The following TTN variants were observed in gnomAD, a reference collection of about 807,000 sequenced individuals.
TTN encodes the protein connectin.
TTN carries 1,525 observed loss-of-function variants against 3,223.0 expected under a neutral mutation model. The observed-to-expected ratio is 0.47, with a 90% CI of 0.45 to 0.49. TTN has a LOEUF of 0.49. Ranked by LOEUF, TTN falls within the 20% of genes least tolerant of loss-of-function variation. The probability of loss-of-function intolerance (pLI) is 0.00; values close to 1 mark genes in which losing one functional copy is unlikely to be tolerated. For missense variants in TTN, 40,786 were observed against 43,424.0 expected, an observed-to-expected ratio of 0.94 and a Z score of 5.40; for synonymous variants, 14,094 against 15,161.0, an observed-to-expected ratio of 0.93 and a Z score of 5.17.
chr2:178,609,735 T>C lies in TTN; in HGVS notation c.51688A>G (p.Ile17230Val). 1 of 1,611,506 alleles carries C rather than the reference T, an allele frequency of 6.2e-7. No homozygotes were observed. The highest frequency in any genetic ancestry group is 8.5e-7 in the Non-Finnish European group (1 of 1,178,224). Residue 17230 changes from isoleucine (I) to valine (V), a missense_variant, in exon 272 of 363, where the codon ATT becomes GTT. By Grantham distance (29) the Ile-to-Val change is conservative. Transcript: ENST00000589042. ...FRVRAENAAG[I>V]SEPSRATPPT... ...GGAGTAGCCCGAGAAGGTTCACTAA[T>C]ACCCGCGGCGTTCTCTGCTCGCACA...
Position 178,642,302 on chromosome 2 carries a change from T to C in TTN, c.40493A>G (p.Lys13498Arg), listed in dbSNP as rs1356820738. ...TTCCGGAAGTAATTTGCGAACTTTC[T>C]TTTCACCTCCAGGCACTTAAAAGAA... ...LTPLKVPGGEKKVRKLLPERK... is the reference protein window; with the variant it reads ...LTPLKVPGGERKVRKLLPERK... Residue 13498 changes from lysine (K) to arginine (R), a missense_variant, in exon 219 of 363, where the codon AAG becomes AGG. Transcript: ENST00000589042. 1.3e-6 allele frequency: 2 copies of C among 1,592,568 alleles called. No homozygotes were observed. The highest frequency in any genetic ancestry group is 2.7e-5 in the African/African-American group (2 of 74,454).
intron 253 of TTN, 97 bp downstream of exon 253, chr2:178,617,682 C>G: frequency 6.7e-7 from 1 of 1,500,050 alleles, no homozygotes; most frequent in East Asian, 2.4e-5. Context: ...GATATTCTAC[C>G]TTTTTATTAA....
chr2:178,598,463 T>A lies in TTN; in HGVS notation c.57111+43A>T, dbSNP rs1433589821. 1.9e-6 allele frequency: 3 copies of A among 1,578,052 alleles called. No individual in the cohort carries two copies. The African/African-American group carries it at 4.1e-5, about 22-fold the overall frequency. Reference sequence around the variant, plus strand: ...GATTGAGAATAACTATGACATTTTTTAGTTTATTCATAGTGCATTTCCTTA... The same window carrying A: ...GATTGAGAATAACTATGACATTTTTAAGTTTATTCATAGTGCATTTCCTTA... On this transcript the variant is annotated intron_variant, in intron 292 of 362. Transcript: ENST00000589042.
Position 178,645,920 on chromosome 2 carries a change from C to A in TTN, c.40408G>T (p.Ala13470Ser). The A allele has an allele frequency of 6.4e-7, 1 of 1,558,828 alleles. No homozygotes were observed. The highest frequency in any genetic ancestry group is 2.4e-5 in the East Asian group (1 of 41,912). The change falls in exon 217 of 363, where the codon GCT becomes TCT. Residue 13470 changes from alanine to serine, a missense_variant and splice_region_variant. By Grantham distance (99) the Ala-to-Ser change is moderately conservative. Transcript: ENST00000589042. Reference protein sequence around the residue: ...DVKEKIFQLKAIPKKKVPEKP... With the variant: ...DVKEKIFQLKSIPKKKVPEKP... ...AAACTTTGGAAGTGGCATTTTTTAC[C>A]TTTAAGTTGGAATATTTTCTCCTTC...
intron 4 of TTN, 105 bp from the exon 5 acceptor site, chr2:178,800,015 C>T: frequency 1.6e-6 from 2 of 1,247,776 alleles, no homozygotes; most frequent in South Asian, 2.7e-5. Flanking sequence ...TCTGGATATC[C>T]CAATGGAGAA....
chr2:178,722,713 T>C lies in TTN; in HGVS notation c.22186A>G (p.Lys7396Glu). ...NINDSGEYTC[K>E]AENSIGTASS... is the part of the protein sequence containing the mutation. ...GCAGTTCCTATACTATTTTCTGCTTTGCATGTGTACTCTCCACTGTCATTG... is the reference window on the plus strand; with the variant it reads ...GCAGTTCCTATACTATTTTCTGCTTCGCATGTGTACTCTCCACTGTCATTG... The change falls in exon 76 of 363, where the codon AAA (lysine) becomes GAA (glutamate). Residue 7396 changes from lysine (K) to glutamate (E), a missense_variant. By Grantham distance (56) the Lys-to-Glu change is moderately conservative. Transcript: ENST00000589042. 2 of 1,613,208 alleles carry C rather than the reference T, an allele frequency of 1.2e-6. No homozygotes were observed. Among genetic ancestry groups the C allele is most frequent in the South Asian group, 2.2e-5 (2 of 91,010 alleles).
In TTN at chr2:178,544,239, C is replaced by T; in HGVS notation, c.95990G>A (p.Ser31997Asn). Residue 31997 changes from serine to asparagine, a missense_variant, in exon 345 of 363, where the codon AGC becomes AAC. Ser to Asn is a conservative substitution (Grantham distance 46). Transcript: ENST00000589042. ...GGGCTCAATTTCAGCAATTGATTCG[C>T]TGTATTCGCTCATACCCTTCACGTT... Reference protein sequence around the residue: ...AVNVKGMSEYSESIAEIEPVE... With the variant: ...AVNVKGMSEYNESIAEIEPVE... The T allele has an allele frequency of 6.2e-7, 1 of 1,613,680 alleles. No individual in the cohort carries two copies.
chr2:178,572,337 A>T lies in TTN; in HGVS notation c.73795T>A (p.Tyr24599Asn), dbSNP rs754578013. ...GTTTCAGCAGGCAGCCCAATGCCAT[A>T]TTCATTTTCTGCGAGAACCCTGAAA... ...YYFRVLAENE[Y>N]GIGLPAETAE... The change falls in exon 326 of 363, where the codon TAT (tyrosine) becomes AAT (asparagine). Residue 24599 changes from tyrosine to asparagine, a missense_variant. Physicochemically the swap from Tyr to Asn is moderately radical, Grantham distance 143. Coordinates refer to ENST00000589042, the MANE Select transcript of TTN (RefSeq NM_001267550.2). 1 of 1,611,830 alleles carries T rather than the reference A, an allele frequency of 6.2e-7. No homozygotes were observed. Among genetic ancestry groups the T allele is most frequent in the South Asian group, 1.1e-5 (1 of 91,046 alleles).
Position 178,588,116 on chromosome 2 carries a change from A to G in TTN, c.63291T>C (p.Ile21097=), listed in dbSNP as rs397517653. The G allele has an allele frequency of 1.2e-6, 2 of 1,612,924 alleles. No homozygotes were observed. Among genetic ancestry groups the G allele is most frequent in the Non-Finnish European group, 1.7e-6 (2 of 1,179,306 alleles). The part of the protein sequence containing the change: ...KPVYDGGAPI[I]GYVVEMRPKI... ...TTGGTCTCATTTCCACAACATATCC[A>G]ATGATCGGTGCACCACCATCATAGA... is the stretch of plus-strand genomic sequence containing the variant. Residue 21097 remains isoleucine (I), a synonymous_variant, in exon 305 of 363, where the codon ATT becomes ATC. Transcript: ENST00000589042.
At chr2:178,775,289 G>A (rs1411444316) in intron 28 of TTN, 67 bp downstream of exon 28, 18 of 1,612,028 alleles carry the variant, frequency 1.1e-5, no homozygotes, top group Non-Finnish European at 1.5e-5. Flanking sequence ...GAAAATAAAA[G>A]TAAACACACT....
chr2:178,609,227 A>G lies in TTN; in HGVS notation c.52083T>C (p.Pro17361=). The G allele has an allele frequency of 1.3e-6, 2 of 1,520,780 alleles. No homozygotes were observed. Among genetic ancestry groups the G allele is most frequent in the Non-Finnish European group, 1.8e-6 (2 of 1,139,002 alleles). The allele number at this position is 1,520,780 out of a possible 1,614,324, so 94.2% of individuals were successfully genotyped here. A position where few individuals can be genotyped will look rare whatever the true frequency, so the allele number is the denominator to read the frequency against. Residue 17361 remains proline, a synonymous_variant, in exon 273 of 363, where the codon CCT becomes CCC. Coordinates refer to ENST00000589042, the MANE Select transcript of TTN (RefSeq NM_001267550.2). The part of the protein sequence containing the change: ...VENDHGIAKA[P]CTVSVLDTPG... Reference sequence around the variant, plus strand: ...ACTCACCTAACACACTGACAGTACAAGGAGCTTTTGCAATACCGTGGTCAT... The same window carrying G: ...ACTCACCTAACACACTGACAGTACAGGGAGCTTTTGCAATACCGTGGTCAT...
rs759813012 is a variant in TTN at position 178,724,369 on chromosome 2, G to C, written c.21006C>G (p.Ile7002Met). 1.2e-6 allele frequency: 2 copies of C among 1,613,542 alleles called. No homozygotes were observed. The highest frequency in any genetic ancestry group is 1.7e-6 in the Non-Finnish European group (2 of 1,179,606). ...QKHKFSFYNKISSLRILSVER... is the reference protein window; with the variant it reads ...QKHKFSFYNKMSSLRILSVER... The stretch of plus-strand genomic sequence containing the variant: ...CAACTGAGAGAATCCTTAAGGAAGA[G>C]ATTTTGTTGTAGAAGCTAAATTTGT... The change falls in exon 72 of 363, where the codon ATC becomes ATG. Residue 7002 changes from isoleucine (I) to methionine (M), a missense_variant. By Grantham distance (10) the Ile-to-Met change is conservative. Transcript: ENST00000589042.
chr2:178,669,382 C>G lies in TTN; in HGVS notation c.35536G>C (p.Glu11846Gln). 1 of 1,522,662 alleles carries G rather than the reference C, an allele frequency of 6.6e-7. No homozygotes were observed. The highest frequency in any genetic ancestry group is 8.7e-7 in the Non-Finnish European group (1 of 1,145,380). 94.3% of individuals were successfully genotyped at this position (1,522,662 alleles called of 1,614,324 possible). Reference sequence around the variant, plus strand: ...ATTTTTCTACACTCACTGTACATCTCTGTGTCTTCAGAAATAACAATAGGT... The same window carrying G: ...ATTTTTCTACACTCACTGTACATCTGTGTGTCTTCAGAAATAACAATAGGT... ...KSPIVISEDT[E>Q]MYIYEASEEA... is the part of the protein sequence containing the mutation. The change falls in exon 159 of 363, where the codon GAG becomes CAG. Residue 11846 changes from glutamate (E) to glutamine (Q), a missense_variant. Physicochemically the swap from Glu to Gln is conservative, Grantham distance 29. Coordinates refer to ENST00000589042, the MANE Select transcript of TTN (RefSeq NM_001267550.2).
rs758613310 is a variant in TTN at position 178,723,914 on chromosome 2, T to C, written c.21345A>G (p.Thr7115=). The C allele has an allele frequency of 6.2e-7, 1 of 1,613,510 alleles. No individual in the cohort carries two copies. Among genetic ancestry groups the C allele is most frequent in the African/African-American group, 1.3e-5 (1 of 75,036 alleles). ...ACCCAGCGACATTAGCAGCCACGCA[T>C]GTGTAATTGCCCATATCTGAGGAAT... ...SLDSSDMGNY[T]CVAANVAGSD... The change falls in exon 73 of 363, where the codon ACA becomes ACG. Residue 7115 remains threonine (T), a synonymous_variant. Transcript: ENST00000589042.
At chr2:178,582,267 A>G in intron 314 of TTN, 29 bp downstream of exon 314, 1 of 1,576,098 alleles carries the variant, frequency 6.3e-7, no homozygotes. Context: ...TAAAAAATAA[A>G]ATGAAAAACC....
chr2:178,697,692 A>C (rs1050941564), intron 112 of TTN, among the ~76,000 whole-genome samples: 3 of 152,192 alleles, frequency 2.0e-5, no homozygotes, highest in African/African-American at 7.2e-5. Flanking sequence ...AATCTTAGTC[A>C]AATGAGTTAA....
At chr2:178,632,850 C>T (rs2059968485) in intron 234 of TTN, 58 bp from the exon 235 acceptor site, 2 of 1,612,428 alleles carry the variant, frequency 1.2e-6, no homozygotes, top group Non-Finnish European at 1.7e-6. Flanking sequence ...GACCCTTGAT[C>T]AATGCAGGGG....
chr2:178,757,843 C>A lies in TTN; in HGVS notation c.10377G>T (p.Glu3459Asp), dbSNP rs1460874530. 2.5e-6 allele frequency: 4 copies of A among 1,589,528 alleles called. No individual in the cohort carries two copies. The highest frequency in any genetic ancestry group is 3.4e-6 in the Non-Finnish European group (4 of 1,168,180). Residue 3459 changes from glutamate (E) to aspartate (D), a missense_variant, in exon 45 of 363, where the codon GAG (glutamate) becomes GAT (aspartate). By Grantham distance (45) the Glu-to-Asp change is conservative. Transcript: ENST00000589042. Reference sequence around the variant, plus strand: ...TGAAGCTGGGCTTTTGGCCAAGGGGCTCCTTCTTAAATGAAACTGATAAAG... The same window carrying A: ...TGAAGCTGGGCTTTTGGCCAAGGGGATCCTTCTTAAATGAAACTGATAAAG... ...HVSLSVSFKK[E>D]PLGQKPSFIQ...
chr2:178,625,009 C>T (rs1469167774), intron 241 of TTN, among the ~76,000 whole-genome samples: 4 of 151,800 alleles, frequency 2.6e-5, no homozygotes, highest in African/African-American at 9.7e-5. Flanking sequence ...AATAATTCTT[C>T]CTCCAGCTGG....
Sources: gnomAD v4.1 joint callset for allele counts (sites outside exome capture counted in the v4.1 genomes callset) on GRCh38, gnomAD v4.1.1 for gene constraint, MANE v1.5 for transcripts, NCBI Gene and HGNC (gene_info 2026-07-23, HGNC 2026-07-21) for gene names.